Variants in SIRT5 observed in about 807,000 individuals in gnomAD.
SIRT5 encodes NAD-dependent protein deacylase sirtuin-5, mitochondrial.
SIRT5 carries 26 observed loss-of-function variants against 40.0 expected under a neutral mutation model. That is an observed-to-expected ratio of 0.65 (90% CI 0.48 to 0.90). The LOEUF (loss-of-function observed/expected upper bound fraction) is 0.90. SIRT5 is among the 40% of genes least tolerant of loss of function. The pLI is 0.00. For synonymous variants in SIRT5, 146 were observed against 149.1 expected, an observed-to-expected ratio of 0.98 and a Z score of 0.15; for missense variants, 401 against 402.4, an observed-to-expected ratio of 1.00 and a Z score of 0.03.
intron 9 of SIRT5, chr6:13,605,691 T>A (rs1414245388): frequency 1.0e-6 from 1 of 985,370 alleles, no homozygotes; most frequent in South Asian, 4.7e-5. Flanking sequence ...GGATGATTTC[T>A]GATAAACCCT....
intron 9 of SIRT5, among the ~76,000 whole-genome samples, chr6:13,609,074 G>C (rs778978133): frequency 1.1e-4 from 17 of 152,072 alleles, no homozygotes; most frequent in African/African-American, 4.1e-4. Flanking sequence ...TGCCCACCTC[G>C]GTCTCCCAAA....
At chr6:13,578,272 C>T (rs546176775) in intron 1 of SIRT5, among the ~76,000 whole-genome samples, 28 of 152,214 alleles carry the variant, frequency 1.8e-4, no homozygotes, top group African/African-American at 6.3e-4. Flanking sequence ...CTTCTTGTAA[C>T]GTCCTTCTCT....
chr6:13,615,148 C>T lies in SIRT5; in HGVS notation c.*3283C>T. On this transcript the variant is annotated 3_prime_UTR_variant, in exon 10 of 10. Coordinates refer to ENST00000606117, the MANE Select transcript of SIRT5 (RefSeq NM_012241.5). ...CCGCTTTCGCCGGCAGAGCATTTTC[C>T]GTGGGGTCCATCCGGCTCCAAGGCG... 3.8e-6 allele frequency: 2 copies of T among 524,364 alleles called. No homozygotes were observed. The highest frequency in any genetic ancestry group is 3.2e-5 in the East Asian group (1 of 30,822). The allele number at this position is 524,364 out of a possible 1,614,324, so 32.5% of individuals were successfully genotyped here. A position where few individuals can be genotyped will look rare whatever the true frequency, so the allele number is the denominator to read the frequency against.
chr6:13,600,527 GTTTAAC>G (rs1562276752), intron 8 of SIRT5, among the ~76,000 whole-genome samples: 2 of 152,248 alleles, frequency 1.3e-5, no homozygotes, highest in East Asian at 1.9e-4. Flanking sequence ...TGGATCATTT[GTTTAAC>G]TTTAAAAAGC....
chr6:13,614,323 G>A lies in SIRT5; in HGVS notation c.*2458G>A, dbSNP rs562850884. The A allele has an allele frequency of 2.0e-5, 3 of 152,346 alleles. No homozygotes were observed. Among genetic ancestry groups the A allele is most frequent in the South Asian group, 2.1e-4 (1 of 4,824 alleles). 9.4% of individuals were successfully genotyped at this position (152,346 alleles called of 1,614,324 possible). On this transcript the variant is annotated 3_prime_UTR_variant, in exon 10 of 10. Coordinates refer to ENST00000606117, the MANE Select transcript of SIRT5 (RefSeq NM_012241.5). ...GCAGAGTGGGATGGGGTAGGGGTAA[G>A]GTGCTTGAAATTTGCCTGGGTGGGA...
chr6:13,586,382 A>G (rs1255019512), intron 3 of SIRT5, among the ~76,000 whole-genome samples: 1 of 152,188 alleles, frequency 6.6e-6, no homozygotes, highest in Non-Finnish European at 1.5e-5. Flanking sequence ...TTTAGGTCTT[A>G]CATTTAAGTC....
chr6:13,598,897 A>T, intron 7 of SIRT5, 135 bp from the exon 8 acceptor site: 1 of 790,594 alleles, frequency 1.3e-6, no homozygotes, highest in Non-Finnish European at 1.9e-6. Flanking sequence ...ATAGGCTGGG[A>T]GGGAGGGTGT....
rs1192846239 is a variant in SIRT5, at chr6:13,601,006, A to T, written c.857+57A>T. ...GTGGGAGGCAGGTACAGACATGGTCATCTAAACATAGTTGACCTACTCCTC... is the reference window on the plus strand; with the variant it reads ...GTGGGAGGCAGGTACAGACATGGTCTTCTAAACATAGTTGACCTACTCCTC... On this transcript the variant is annotated intron_variant, in intron 9 of 9. Coordinates refer to ENST00000606117, the MANE Select transcript of SIRT5 (RefSeq NM_012241.5). 5.9e-6 allele frequency: 8 copies of T among 1,350,670 alleles called. No homozygotes were observed. In the East Asian group the frequency reaches 1.2e-4, roughly 20 times the overall value. The allele number at this position is 1,350,670 out of a possible 1,614,324, so 83.7% of individuals were successfully genotyped here. A position where few individuals can be genotyped will look rare whatever the true frequency, so the allele number is the denominator to read the frequency against.
Position 13,599,167 on chromosome 6 carries a change from C to T in SIRT5, c.741+12C>T, listed in dbSNP as rs201434902. 3.3e-4 allele frequency: 540 copies of T among 1,612,506 alleles called. 9 individuals carry two copies. In the South Asian group the frequency reaches 5.6e-3, roughly 17 times the overall value. On this transcript the variant is annotated intron_variant, in intron 8 of 9. Coordinates refer to ENST00000606117, the MANE Select transcript of SIRT5 (RefSeq NM_012241.5). The stretch of plus-strand genomic sequence containing the variant: ...ATTTATGTCTAGTGGTGGGTCATGC[C>T]CTTCCCTAACCCCAGGACAGGACTG...
At chr6:13,590,227 C>T (rs573057379) in intron 4 of SIRT5, among the ~76,000 whole-genome samples, 1 of 152,200 alleles carries the variant, frequency 6.6e-6, no homozygotes, top group South Asian at 2.1e-4. Flanking sequence ...CGTAACACCC[C>T]CACCTCCACT....
chr6:13,584,072 A>G lies in SIRT5; in HGVS notation c.-35-4A>G. ...CACTATTTGTTTTTGTGATTTTTCT[A>G]AAGCCCGCCTCAAGCATTAGAACTA... is the stretch of plus-strand genomic sequence containing the variant. On this transcript the variant is annotated splice_region_variant and splice_polypyrimidine_tract_variant and intron_variant, in intron 2 of 9. Transcript: ENST00000606117. 1 of 1,466,356 alleles carries G rather than the reference A, an allele frequency of 6.8e-7. No homozygotes were observed. Among genetic ancestry groups the G allele is most frequent in the Non-Finnish European group, 9.5e-7 (1 of 1,053,054 alleles). The allele number at this position is 1,466,356 out of a possible 1,614,324, so 90.8% of individuals were successfully genotyped here. A position where few individuals can be genotyped will look rare whatever the true frequency, so the allele number is the denominator to read the frequency against.
At chr6:13,597,492 A>C (rs1291460960) in intron 7 of SIRT5, among the ~76,000 whole-genome samples, 1 of 151,920 alleles carries the variant, frequency 6.6e-6, no homozygotes, top group Non-Finnish European at 1.5e-5. Flanking sequence ...CCAGGCATTA[A>C]AACAGCACTT....
At chr6:13,604,705 T>A (rs1762874502) in intron 9 of SIRT5, 6 of 1,375,088 alleles carry the variant, frequency 4.4e-6, no homozygotes, top group Non-Finnish European at 4.7e-6. Flanking sequence ...CTGAACTTGG[T>A]GGTTTTTCCT....
chr6:13,591,804 GGCAAGCAGGGC>G lies in SIRT5; in HGVS notation c.386_396del (p.Gly129AlafsTer12), dbSNP rs1314364475. ...CATAGCCGAGTGTGAGACCCGGCTGGGCAAGCAGGGCCGGCGAGTCGTGGTCATCACCCAGA... is the reference window on the plus strand; with the variant it reads ...CATAGCCGAGTGTGAGACCCGGCTGGCGGCGAGTCGTGGTCATCACCCAGA... On this transcript the variant is annotated frameshift_variant, in exon 5 of 10. Transcript: ENST00000606117. LOFTEE classifies it high-confidence loss of function. The G allele has an allele frequency of 4.3e-6, 7 of 1,614,042 alleles. No homozygotes were observed. The highest frequency in any genetic ancestry group is 1.3e-5 in the African/African-American group (1 of 74,948).
At chr6:13,599,511 T>C (rs141600364) in intron 8 of SIRT5, among the ~76,000 whole-genome samples, 299 of 152,330 alleles carry the variant, frequency 2.0e-3, no homozygotes, top group African/African-American at 6.8e-3. Flanking sequence ...ATTATCACAT[T>C]ATAAAGAGGA....
intron 1 of SIRT5, among the ~76,000 whole-genome samples, chr6:13,574,986 C>T (rs1758405070): frequency 2.0e-5 from 3 of 152,032 alleles, no homozygotes; most frequent in African/African-American, 4.8e-5. Flanking sequence ...GGTCGGATTC[C>T]GGACGTAGTT....
intron 9 of SIRT5, among the ~76,000 whole-genome samples, chr6:13,606,457 C>A (rs1390412454): frequency 6.6e-6 from 1 of 152,030 alleles, no homozygotes; most frequent in Non-Finnish European, 1.5e-5. Flanking sequence ...GAGGTCACTG[C>A]TTTGAAGCGA....
rs1454906749 is a variant in SIRT5, at chr6:13,595,413, A to G, written c.476-64A>G. 3.3e-6 allele frequency: 4 copies of G among 1,219,818 alleles called. No individual in the cohort carries two copies. The African/African-American group carries it at 6.0e-5, about 18-fold the overall frequency. 75.6% of individuals were successfully genotyped at this position (1,219,818 alleles called of 1,614,324 possible). A position where few individuals can be genotyped will look rare whatever the true frequency, so the allele number is the denominator to read the frequency against. On this transcript the variant is annotated intron_variant, in intron 5 of 9. Coordinates refer to ENST00000606117, the MANE Select transcript of SIRT5 (RefSeq NM_012241.5). ...AAAATAAAGTATCTTATACCCTTTT[A>G]GACATGGAGAAGGTTGCTCTTGATT... is the stretch of plus-strand genomic sequence containing the variant.
At chr6:13,590,490 T>C (rs1409654836) in intron 4 of SIRT5, among the ~76,000 whole-genome samples, 1 of 152,054 alleles carries the variant, frequency 6.6e-6, no homozygotes, top group East Asian at 1.9e-4. Context: ...TATGTAGATG[T>C]GTGTAGTTCT....
Sources: allele counts gnomAD v4.1 joint callset (sites outside exome capture counted in the v4.1 genomes callset), GRCh38; gene constraint gnomAD v4.1.1; transcripts MANE v1.5; gene names NCBI Gene and HGNC (gene_info 2026-07-23, HGNC 2026-07-21).